FMNL2: variants seen among roughly 807,000 people sequenced by gnomAD.
FMNL2 encodes formin like 2, also known as formin-like protein 2.
Under a neutral mutation model 130.2 loss-of-function variants are expected in FMNL2, and 51 were observed. The observed-to-expected ratio is 0.39, with a 90% CI of 0.31 to 0.49. The LOEUF (loss-of-function observed/expected upper bound fraction) is 0.49, where lower values mean the gene tolerates loss of function less well. Ranked by LOEUF, FMNL2 falls within the 20% of genes least tolerant of loss-of-function variation. The pLI is 0.85. For synonymous variants in FMNL2, 465 were observed against 467.1 expected (o/e 1.00, Z 0.06); for missense variants, 977 against 1,316.2 (o/e 0.74, Z 3.99).
chr2:152,527,171 G>T (rs1693435381), intron 2 of FMNL2, among the ~76,000 whole-genome samples: 3 of 152,112 alleles, frequency 2.0e-5, no homozygotes, highest in Admixed American at 6.5e-5. Flanking sequence ...TGAGTTTCCT[G>T]TTAACTAGAA....
At chr2:152,538,537 C>G (rs1400932293) in intron 2 of FMNL2, among the ~76,000 whole-genome samples, 2 of 152,194 alleles carry the variant, frequency 1.3e-5, no homozygotes, top group Non-Finnish European at 2.9e-5. Flanking sequence ...GCCTCAGCCT[C>G]CCAAAGTGCT....
chr2:152,543,729 C>CCAAAA (rs1694450562), intron 3 of FMNL2, among the ~76,000 whole-genome samples: 2 of 61,398 alleles, frequency 3.3e-5, no homozygotes, highest in African/African-American at 6.8e-5. Context: ...ACCCCCCGAC[C>CCAAAA]AAAAAAAAAA....
At chr2:152,454,821 A>C (rs781350550) in intron 1 of FMNL2, among the ~76,000 whole-genome samples, 1 of 152,208 alleles carries the variant, frequency 6.6e-6, no homozygotes, top group Admixed American at 6.5e-5. Flanking sequence ...GAAAGGGCCA[A>C]AGAAGGGGCA....
chr2:152,620,638 A>G (rs760964151), intron 15 of FMNL2, among the ~76,000 whole-genome samples: 1 of 152,172 alleles, frequency 6.6e-6, no homozygotes, highest in Non-Finnish European at 1.5e-5. Flanking sequence ...CAAGGCTGTG[A>G]TAGTTCTCAG....
At chr2:152,438,364 C>T (rs557119693) in intron 1 of FMNL2, among the ~76,000 whole-genome samples, 62 of 152,144 alleles carry the variant, frequency 4.1e-4, no homozygotes, top group South Asian at 2.5e-3. Flanking sequence ...TCAAGGGCCA[C>T]GCAGGTAACC....
At chr2:152,631,924 C>T in intron 20 of FMNL2, 84 bp from the exon 21 acceptor site, 3 of 1,449,562 alleles carry the variant, frequency 2.1e-6, no homozygotes, top group Middle Eastern at 3.6e-4. Context: ...GTTAATGACT[C>T]TGGGTGGGAA....
intron 1 of FMNL2, among the ~76,000 whole-genome samples, chr2:152,430,211 CA>C (rs1687422590): frequency 6.6e-6 from 1 of 152,164 alleles, no homozygotes; most frequent in South Asian, 2.1e-4. Context: ...ATGTGGAAGT[CA>C]AGAGACTGTA....
At chr2:152,389,528 T>G (rs866783377) in intron 1 of FMNL2, among the ~76,000 whole-genome samples, 6 of 152,214 alleles carry the variant, frequency 3.9e-5, no homozygotes, top group Non-Finnish European at 7.3e-5. Flanking sequence ...TGTCTTCAGA[T>G]AATTAGATCT....
chr2:152,607,357 C>T lies in FMNL2; in HGVS notation c.895C>T (p.Arg299Cys), dbSNP rs201721916. ...GTTTCAGGTTTGTGGAGAAAAACAGCGCTTTGAGAAGTTGATGGAACATTT... is the reference window on the plus strand; with the variant it reads ...GTTTCAGGTTTGTGGAGAAAAACAGTGCTTTGAGAAGTTGATGGAACATTT... ...NFKEVCGEKQ[R>C]FEKLMEHFRN... The change falls in exon 10 of 26, where the codon CGC (arginine) becomes TGC (cysteine). Residue 299 changes from arginine to cysteine, a missense_variant. Around this residue, in one of 4 missense-constraint regions of FMNL2, gnomAD observed 689 missense variants for 995.9 expected, o/e 0.69. Coordinates refer to ENST00000288670, the MANE Select transcript of FMNL2 (RefSeq NM_052905.4). 7.5e-4 allele frequency: 1,214 copies of T among 1,613,092 alleles called. 1 individual carries two copies. Among genetic ancestry groups the T allele is most frequent in the Non-Finnish European group, 1.0e-3 (1,185 of 1,179,532 alleles).
In FMNL2 at chr2:152,619,374, A is replaced by G; in HGVS notation, c.1628-135A>G. 2.1e-6 allele frequency: 3 copies of G among 1,412,178 alleles called. No individual in the cohort carries two copies. The East Asian group carries it at 7.5e-5, about 35-fold the overall frequency. 87.5% of individuals were successfully genotyped at this position (1,412,178 alleles called of 1,614,324 possible). ...ATTTTTCCCACATGTCAATGAGGAC[A>G]TTTTTTGGTTTTTGAAAACAGTCCT... On this transcript the variant is annotated intron_variant, in intron 14 of 25. Coordinates refer to ENST00000288670, the MANE Select transcript of FMNL2 (RefSeq NM_052905.4).
chr2:152,438,701 G>A (rs963555906), intron 1 of FMNL2, among the ~76,000 whole-genome samples: 6 of 152,080 alleles, frequency 3.9e-5, no homozygotes, highest in Middle Eastern at 3.2e-3. Context: ...TTCTTGGCGC[G>A]GGATGGACAG....
At chr2:152,517,001 TA>T (rs5835431) in intron 1 of FMNL2, among the ~76,000 whole-genome samples, 149,831 of 152,270 alleles carry the variant, frequency 0.98, 73,755 homozygotes, top group Non-Finnish European at 1. Context: ...CAATTATGGA[TA>T]AAAACCAAAG....
At chr2:152,432,475 G>A (rs1458631341) in intron 1 of FMNL2, among the ~76,000 whole-genome samples, 1 of 152,142 alleles carries the variant, frequency 6.6e-6, no homozygotes, top group African/African-American at 2.4e-5. Flanking sequence ...ACACACCCTA[G>A]TGAGACATCT....
At chr2:152,469,734 A>T (rs973426151) in intron 1 of FMNL2, among the ~76,000 whole-genome samples, 30 of 152,114 alleles carry the variant, frequency 2.0e-4, no homozygotes, top group African/African-American at 6.8e-4. Context: ...TTCTTCTGCT[A>T]TGTTTTCTGG....
At chr2:152,593,331 A>G (rs1237404035) in intron 9 of FMNL2, among the ~76,000 whole-genome samples, 1 of 152,160 alleles carries the variant, frequency 6.6e-6, no homozygotes, top group African/African-American at 2.4e-5. Context: ...CAGTTACATA[A>G]TACTTTACAG....
chr2:152,525,710 C>T (rs1025252888), intron 2 of FMNL2, among the ~76,000 whole-genome samples: 2 of 152,122 alleles, frequency 1.3e-5, no homozygotes, highest in Non-Finnish European at 2.9e-5. Context: ...GCTTCCTGTG[C>T]GAAGCGTTTC....
At chr2:152,392,716 A>C (rs1379620950) in intron 1 of FMNL2, among the ~76,000 whole-genome samples, 2 of 152,098 alleles carry the variant, frequency 1.3e-5, no homozygotes, top group African/African-American at 4.8e-5. Flanking sequence ...CTTTGGCAAC[A>C]CCTAAATTTT....
intron 1 of FMNL2, among the ~76,000 whole-genome samples, chr2:152,505,040 C>A (rs1692079751): frequency 6.6e-6 from 1 of 152,160 alleles, no homozygotes; most frequent in Non-Finnish European, 1.5e-5. Context: ...CATGATATTT[C>A]CCTCTGTTTA....
chr2:152,372,031 AAAAT>A (rs1408793926), intron 1 of FMNL2, among the ~76,000 whole-genome samples: 2 of 152,224 alleles, frequency 1.3e-5, no homozygotes, highest in African/African-American at 4.8e-5. Flanking sequence ...TGAGCAACAG[AAAAT>A]AAATGGAGCC....
Sources: gnomAD v4.1 joint callset for allele counts (sites outside exome capture counted in the v4.1 genomes callset) on GRCh38, gnomAD v4.1.1 for gene constraint, gnomAD v4.1.1 regional missense constraint, MANE v1.5 for transcripts, NCBI Gene and HGNC (gene_info 2026-07-23, HGNC 2026-07-21) for gene names.